The following DLGAP1 variants were observed in gnomAD, a reference collection of about 807,000 sequenced individuals.
The protein encoded by DLGAP1 is DLG associated protein 1.
Under a neutral mutation model 90.8 loss-of-function variants are expected in DLGAP1, and 11 were observed. That is an observed-to-expected ratio of 0.12 (90% CI 0.08 to 0.20). The LOEUF is 0.20. DLGAP1 is among the 10% of genes least tolerant of loss of function. The pLI, the probability that DLGAP1 is intolerant of heterozygous loss-of-function variation, is 1.00. For synonymous variants in DLGAP1, 558 were observed against 540.7 expected (o/e 1.03, Z -0.44); for missense variants, 1,050 against 1,333.8 (o/e 0.79, Z 3.31).
intron 1 of DLGAP1, among the ~76,000 whole-genome samples, chr18:4,229,134 C>A (rs1431209788): frequency 6.6e-6 from 1 of 151,462 alleles, no homozygotes; most frequent in Non-Finnish European, 1.5e-5. Flanking sequence ...ACCAAAGAAG[C>A]GAAAGATCTA....
chr18:3,568,145 C>T (rs981595234), intron 8 of DLGAP1, among the ~76,000 whole-genome samples: 2 of 152,050 alleles, frequency 1.3e-5, no homozygotes, highest in African/African-American at 2.4e-5. Flanking sequence ...GTGTTCTGCC[C>T]GCCTGGGCCT....
chr18:3,940,294 G>A (rs377161419), intron 3 of DLGAP1, among the ~76,000 whole-genome samples: 4 of 152,294 alleles, frequency 2.6e-5, no homozygotes, highest in African/African-American at 9.6e-5. Flanking sequence ...CATCTTTACT[G>A]TAACCTCATG....
chr18:3,898,615 C>T (rs946241683), intron 3 of DLGAP1, among the ~76,000 whole-genome samples: 1 of 152,138 alleles, frequency 6.6e-6, no homozygotes, highest in African/African-American at 2.4e-5. Context: ...TACAGCACAG[C>T]TGGGGATGGG....
chr18:4,173,620 A>G lies in DLGAP1; in HGVS notation c.-266-22333T>C, dbSNP rs141506429. Among the ~76,000 whole-genome samples the G allele has an allele frequency of 1.6e-3, 243 of 152,324 alleles. 2 individuals carry two copies. The highest frequency in any genetic ancestry group is 5.7e-3 in the African/African-American group (238 of 41,582). On this transcript the variant is annotated intron_variant, in intron 1 of 12. Coordinates refer to ENST00000315677, the MANE Select transcript of DLGAP1 (RefSeq NM_004746.4). ...TAAAATTCAAGGTTTTGGACTTCAC[A>G]TGGGAAGCATGACACTGCAGCCTAG... is the stretch of plus-strand genomic sequence containing the variant.
chr18:4,249,796 C>T (rs779194076), intron 1 of DLGAP1, among the ~76,000 whole-genome samples: 1 of 152,138 alleles, frequency 6.6e-6, no homozygotes, highest in Non-Finnish European at 1.5e-5. Flanking sequence ...ACTATGCTCC[C>T]CAGGCTGGTC....
chr18:3,934,632 T>G (rs191789074), intron 3 of DLGAP1, among the ~76,000 whole-genome samples: 2 of 152,282 alleles, frequency 1.3e-5, no homozygotes, highest in East Asian at 3.9e-4. Flanking sequence ...AACAATATTT[T>G]CAGAATTAAG....
chr18:4,304,668 C>A (rs905468537), intron 1 of DLGAP1, among the ~76,000 whole-genome samples: 1 of 152,210 alleles, frequency 6.6e-6, no homozygotes, highest in Non-Finnish European at 1.5e-5. Flanking sequence ...TGGTGGCTCA[C>A]GCCTGTAATC....
intron 2 of DLGAP1, among the ~76,000 whole-genome samples, chr18:4,063,665 C>A (rs1377877735): frequency 6.6e-6 from 1 of 152,034 alleles, no homozygotes; most frequent in Admixed American, 6.6e-5. Context: ...GAAACATTTA[C>A]TATCTATTCT....
At position 3,565,206 on chromosome 18, in the gene DLGAP1, T is replaced by C. The variant is rs968510317; in HGVS notation, c.2057+2284A>G. On this transcript the variant is annotated intron_variant, in intron 9 of 12. Transcript: ENST00000315677. This position sits in a 1 kb window ranked among gnomAD's most constrained non-coding sequence, Gnocchi z 4.0. ...CTCTGCCACCCAGGCTGGAGCGCAA[T>C]GGCGTCATCTTGGCTCACTGCAATC... Among the ~76,000 whole-genome samples, 1 of 152,126 alleles carries C rather than the reference T, an allele frequency of 6.6e-6. No homozygotes were observed. The highest frequency in any genetic ancestry group is 1.5e-5 in the Non-Finnish European group (1 of 68,024).
chr18:4,274,000 G>GT (rs2079347412), intron 1 of DLGAP1, among the ~76,000 whole-genome samples: 1 of 147,026 alleles, frequency 6.8e-6, no homozygotes, highest in Non-Finnish European at 1.5e-5. Context: ...AATTTTTGTT[G>GT]TTTTAAATTT....
intron 10 of DLGAP1, among the ~76,000 whole-genome samples, chr18:3,522,984 T>C (rs1190848820): frequency 2.0e-5 from 3 of 152,176 alleles, no homozygotes; most frequent in African/African-American, 7.2e-5. Context: ...AATAATGTTT[T>C]GGATATCACA....
intron 3 of DLGAP1, among the ~76,000 whole-genome samples, chr18:3,929,221 A>G (rs1012100386): frequency 6.6e-6 from 1 of 152,210 alleles, no homozygotes; most frequent in Non-Finnish European, 1.5e-5. Flanking sequence ...TTTTAGATAG[A>G]AGAAACTTAA....
intron 2 of DLGAP1, among the ~76,000 whole-genome samples, chr18:4,121,656 T>G (rs1598435724): frequency 6.6e-6 from 1 of 152,092 alleles, no homozygotes; most frequent in African/African-American, 2.4e-5. Context: ...CCCTGCCCCT[T>G]GACTGCTAAT....
In DLGAP1 at chr18:3,693,883, A is replaced by ATT. The variant is rs71366702; in HGVS notation, c.1591+35250_1591+35251dup. Among the ~76,000 whole-genome samples the ATT allele has an allele frequency of 6.4e-3, 966 of 151,590 alleles. 5 individuals carry two copies. The highest frequency in any genetic ancestry group is 7.9e-3 in the Non-Finnish European group (535 of 67,860). On this transcript the variant is annotated intron_variant, in intron 7 of 12. Coordinates refer to ENST00000315677, the MANE Select transcript of DLGAP1 (RefSeq NM_004746.4). ...GTGGCTGATGTAAGCTGATGATGGCATTTTTTTTTATTATAGTTTTAAGTT... is the reference window on the plus strand; with the variant it reads ...GTGGCTGATGTAAGCTGATGATGGCATTTTTTTTTTTATTATAGTTTTAAGTT...
At chr18:4,136,904 GGTTT>G (rs1217874534) in intron 2 of DLGAP1, among the ~76,000 whole-genome samples, 2 of 149,212 alleles carry the variant, frequency 1.3e-5, no homozygotes, top group Non-Finnish European at 3.0e-5. Flanking sequence ...ATTTTGATGT[GGTTT>G]TTTTATTATA....
intron 7 of DLGAP1, among the ~76,000 whole-genome samples, chr18:3,715,004 A>G (rs765870431): frequency 1.8e-4 from 28 of 152,276 alleles, no homozygotes; most frequent in Non-Finnish European, 3.7e-4. Context: ...AGGCTTCACA[A>G]TGCTTTGAAG....
At chr18:3,801,418 T>C (rs2066287142) in intron 5 of DLGAP1, among the ~76,000 whole-genome samples, 1 of 152,222 alleles carries the variant, frequency 6.6e-6, no homozygotes, top group African/African-American at 2.4e-5. Context: ...TCTTGTCTCT[T>C]ACTTGATTTC....
chr18:3,543,824 C>A (rs1326971928), intron 9 of DLGAP1, among the ~76,000 whole-genome samples: 1 of 151,848 alleles, frequency 6.6e-6, no homozygotes. Flanking sequence ...GCTAGGGGTA[C>A]GAGGAGGACA....
At chr18:3,832,086 C>T (rs115735540) in intron 4 of DLGAP1, among the ~76,000 whole-genome samples, 1,674 of 152,298 alleles carry the variant, frequency 0.011, 25 homozygotes, top group African/African-American at 0.039. Flanking sequence ...AAGAATGCTT[C>T]GTCAAGATAA....
Sources: gnomAD v4.1 joint callset for allele counts (sites outside exome capture counted in the v4.1 genomes callset) on GRCh38, gnomAD v4.1.1 for gene constraint, Gnocchi (gnomAD v3.1) non-coding constraint, MANE v1.5 for transcripts, NCBI Gene and HGNC (gene_info 2026-07-23, HGNC 2026-07-21) for gene names.